Variants in RARB observed in about 807,000 individuals in gnomAD.
The protein encoded by RARB is HBV-activated protein.
Under a neutral mutation model 51.9 loss-of-function variants are expected in RARB, and 17 were observed. The ratio of observed to expected loss-of-function variants is 0.33; its 90% CI spans 0.22 to 0.49. The LOEUF is 0.49. RARB is among the 20% of genes least tolerant of loss of function. The probability of loss-of-function intolerance (pLI) is 0.99; values close to 1 mark genes in which losing one functional copy is unlikely to be tolerated. For synonymous variants in RARB, 215 were observed against 195.4 expected (o/e 1.10, Z -0.84); for missense variants, 369 against 550.8 (o/e 0.67, Z 3.30).
In RARB at chr3:25,550,537, C is replaced by T. The variant is rs939386685; in HGVS notation, c.449-19221C>T. ...ATACTAATCCCATCCATGAGGGCTC[C>T]ACCCTCATGACTACGTCACCTCCCA... On this transcript the variant is annotated intron_variant, in intron 3 of 7. Transcript: ENST00000330688. Among the ~76,000 whole-genome samples the T allele has an allele frequency of 2.6e-5, 4 of 152,130 alleles. No homozygotes were observed. The East Asian group carries it at 7.7e-4, about 29-fold the overall frequency.
intron 2 of RARB, among the ~76,000 whole-genome samples, chr3:24,941,665 A>G (rs74690548): frequency 0.086 from 13,064 of 152,176 alleles, 809 homozygotes; most frequent in East Asian, 0.18. Flanking sequence ...CACCGTGCCC[A>G]GATAAAAGGC....
At chr3:25,450,518 A>G (rs755509864) in intron 1 of RARB, among the ~76,000 whole-genome samples, 15 of 151,902 alleles carry the variant, frequency 9.9e-5, no homozygotes, top group African/African-American at 2.2e-4. Flanking sequence ...GAGCTGTAGT[A>G]TTTTCTTTGT....
intron 1 of RARB, among the ~76,000 whole-genome samples, chr3:25,433,499 CTG>C (rs970794439): frequency 2.6e-5 from 4 of 152,138 alleles, no homozygotes; most frequent in Non-Finnish European, 5.9e-5. Flanking sequence ...ACTCTAGCAC[CTG>C]TGTGTGCGTG....
chr3:25,330,318 G>C (rs562473242), intron 5 of RARB, among the ~76,000 whole-genome samples: 3 of 152,258 alleles, frequency 2.0e-5, no homozygotes, highest in South Asian at 2.1e-4. Context: ...CGGATCTCTC[G>C]GCAGACACTC....
chr3:25,291,225 T>C (rs1430266679), intron 5 of RARB, among the ~76,000 whole-genome samples: 1 of 152,184 alleles, frequency 6.6e-6, no homozygotes, highest in Non-Finnish European at 1.5e-5. Context: ...ATATCTTCCC[T>C]CAGGTCATGA....
intron 3 of RARB, among the ~76,000 whole-genome samples, chr3:25,095,536 C>T (rs1575158171): frequency 6.6e-6 from 1 of 152,166 alleles, no homozygotes; most frequent in East Asian, 1.9e-4. Context: ...TGATGTGGAA[C>T]ATGGTGACCA....
chr3:25,298,661 G>T (rs1358274644), intron 5 of RARB, among the ~76,000 whole-genome samples: 2 of 152,152 alleles, frequency 1.3e-5, no homozygotes, highest in Non-Finnish European at 2.9e-5. Flanking sequence ...TCTTGTACTT[G>T]GGTGTCTCAG....
At chr3:25,160,945 C>T (rs970189639) in intron 4 of RARB, among the ~76,000 whole-genome samples, 3 of 152,112 alleles carry the variant, frequency 2.0e-5, no homozygotes, top group African/African-American at 7.2e-5. Flanking sequence ...CCCTTTGCCT[C>T]CCTCTTGTAA....
chr3:25,018,012 T>G (rs1292545286), intron 2 of RARB, among the ~76,000 whole-genome samples: 1 of 152,200 alleles, frequency 6.6e-6, no homozygotes, highest in African/African-American at 2.4e-5. Flanking sequence ...GCTCACACCT[T>G]GGTCTTGGAC....
chr3:24,972,965 C>T lies in RARB; in HGVS notation c.-379-87160C>T, dbSNP rs144478117. Among the ~76,000 whole-genome samples, 928 of 152,026 alleles carry T rather than the reference C, an allele frequency of 6.1e-3. 12 individuals are homozygous for T. The highest frequency in any genetic ancestry group is 0.024 in the Middle Eastern group (7 of 294). On this transcript the variant is annotated intron_variant, in intron 2 of 11. Coordinates refer to the RARB transcript ENST00000383772. ...TGGTTGTTTCCTTCGCTATGCAGAA[C>T]GTTTTTAGTTTGATCTAAGTCCCAT...
chr3:24,904,088 AAAC>A (rs1434736138), intron 2 of RARB, among the ~76,000 whole-genome samples: 1 of 152,228 alleles, frequency 6.6e-6, no homozygotes, highest in East Asian at 1.9e-4. Flanking sequence ...TTAATTTTAG[AAAC>A]AACAAGAACA....
rs1279154112 is a variant in RARB, at chr3:25,007,605, C to CAAAAAAAAAAAAAAAA, written c.-379-52513_-379-52512insAAAAAAAAAAAAAAAA. Among the ~76,000 whole-genome samples the CAAAAAAAAAAAAAAAA allele has an allele frequency of 3.3e-5, 2 of 60,640 alleles. 1 individual carries two copies. The highest frequency in any genetic ancestry group is 6.6e-5 in the Non-Finnish European group (2 of 30,400). 39.8% of individuals were successfully genotyped at this position (60,640 alleles called of 152,430 possible). A position where few individuals can be genotyped will look rare whatever the true frequency, so the allele number is the denominator to read the frequency against. ...GTGAGACTGTCTCAAAAAAAAAAAA[C>CAAAAAAAAAAAAAAAA]AAAAAAACCTCATATTTTCTGAAAG... On this transcript the variant is annotated intron_variant, in intron 2 of 11. Transcript: ENST00000383772.
intron 3 of RARB, among the ~76,000 whole-genome samples, chr3:25,120,458 C>T (rs1266487019): frequency 1.3e-5 from 2 of 151,050 alleles, no homozygotes; most frequent in Non-Finnish European, 2.9e-5. Flanking sequence ...AAACTTTAAC[C>T]AGTTAAATGT....
At chr3:24,905,687 T>A (rs1311119360) in intron 2 of RARB, among the ~76,000 whole-genome samples, 1 of 152,202 alleles carries the variant, frequency 6.6e-6, no homozygotes, top group Non-Finnish European at 1.5e-5. Context: ...GTAGTCATCT[T>A]GAGTGAGACA....
At chr3:25,212,978 T>C (rs981551015) in intron 5 of RARB, among the ~76,000 whole-genome samples, 1 of 152,206 alleles carries the variant, frequency 6.6e-6, no homozygotes, top group Non-Finnish European at 1.5e-5. Flanking sequence ...AATGTTCTCA[T>C]ATTTCACTCT....
intron 5 of RARB, among the ~76,000 whole-genome samples, chr3:25,350,302 G>A (rs1705523292): frequency 6.6e-6 from 1 of 152,174 alleles, no homozygotes; most frequent in South Asian, 2.1e-4. Flanking sequence ...ACTCCCTACT[G>A]TTTCGGAGCT....
intron 2 of RARB, among the ~76,000 whole-genome samples, chr3:24,973,724 G>T (rs1302956440): frequency 1.3e-5 from 2 of 151,772 alleles, no homozygotes; most frequent in Non-Finnish European, 2.9e-5. Flanking sequence ...ACTGTAAATG[G>T]GATTGCTTTT....
At chr3:25,192,613 A>G (rs1453652197) in intron 5 of RARB, among the ~76,000 whole-genome samples, 1 of 152,048 alleles carries the variant, frequency 6.6e-6, no homozygotes, top group Non-Finnish European at 1.5e-5. Context: ...GGCATTTGGA[A>G]TTATTTAAAA....
At chr3:25,421,090 C>T (rs377423597) in intron 5 of RARB, among the ~76,000 whole-genome samples, 6 of 150,934 alleles carry the variant, frequency 4.0e-5, no homozygotes, top group African/African-American at 1.2e-4. Flanking sequence ...ATTTCATGGT[C>T]ATTCTGACTC....
Sources: gnomAD v4.1 joint callset for allele counts (sites outside exome capture counted in the v4.1 genomes callset) on GRCh38, gnomAD v4.1.1 for gene constraint, MANE v1.5 for transcripts, NCBI Gene and HGNC (gene_info 2026-07-23, HGNC 2026-07-21) for gene names.